The following LIMS1 variants were observed in gnomAD, a reference collection of about 807,000 sequenced individuals.
The protein encoded by LIMS1 is LIM zinc finger domain containing 1.
Under a neutral mutation model 44.1 loss-of-function variants are expected in LIMS1, and 18 were observed. The observed-to-expected ratio is 0.41, with a 90% CI of 0.28 to 0.61. LIMS1 has a LOEUF of 0.61. LIMS1 is among the 20% of genes least tolerant of loss of function. LIMS1 has a pLI of 0.32. For missense variants in LIMS1, 201 were observed against 422.0 expected (o/e 0.48, Z 4.59); for synonymous variants, 93 against 149.1 (o/e 0.62, Z 2.74).
At chr2:108,596,958 A>G (rs1237206382) in intron 1 of LIMS1, among the ~76,000 whole-genome samples, 4 of 104,430 alleles carry the variant, frequency 3.8e-5, no homozygotes, top group South Asian at 3.6e-4. Context: ...TCTGTTGCTG[A>G]GGTGCAGTGG....
In LIMS1 at chr2:108,667,551, A is replaced by AAT. The variant is rs1553469852; in HGVS notation, c.193-3212_193-3211dup. ...TTCAACCTTTTTTAAAAAAAAAAAAAATATATATATATATATATACTGCTG... is the reference window on the plus strand; with the variant it reads ...TTCAACCTTTTTTAAAAAAAAAAAAAATATATATATATATATATATACTGCTG... On this transcript the variant is annotated intron_variant, in intron 2 of 9. Transcript: ENST00000544547. Among the ~76,000 whole-genome samples the AAT allele has an allele frequency of 7.0e-3, 916 of 130,456 alleles. 8 individuals are homozygous for AAT. The highest frequency in any genetic ancestry group is 0.023 in the African/African-American group (795 of 35,000). 85.6% of individuals were successfully genotyped at this position (130,456 alleles called of 152,430 possible).
At chr2:108,558,693 T>C (rs1231965672) in intron 1 of LIMS1, among the ~76,000 whole-genome samples, 5 of 147,946 alleles carry the variant, frequency 3.4e-5, no homozygotes, top group Non-Finnish European at 6.0e-5. Context: ...TTTTTTGAGA[T>C]GGAGTCTTAC....
exon 10 of LIMS1, chr2:108,686,624 AC>A (rs1293661447): frequency 2.0e-5 from 3 of 151,472 alleles, no homozygotes; most frequent in Admixed American, 6.6e-5. Flanking sequence ...ACAAAAAAAA[AC>A]ATTAGCCAGG....
chr2:108,534,607 C>CCG lies in LIMS1; in HGVS notation c.32+18_32+19dup. On this transcript the variant is annotated intron_variant, in intron 1 of 9. Coordinates refer to ENST00000544547, the Ensembl canonical transcript of LIMS1. ...GGATGACCCACAGGTACGGGCCGCACCGCGCGGCCCCCGCCACGTCCGCCC... is the reference window on the plus strand; with the variant it reads ...GGATGACCCACAGGTACGGGCCGCACCGCGCGCGGCCCCCGCCACGTCCGCCC... 1 of 1,128,950 alleles carries CCG rather than the reference C, an allele frequency of 8.9e-7. No homozygotes were observed. Among genetic ancestry groups the CCG allele is most frequent in the Non-Finnish European group, 1.1e-6 (1 of 917,216 alleles). 69.9% of individuals were successfully genotyped at this position (1,128,950 alleles called of 1,614,324 possible). A position where few individuals can be genotyped will look rare whatever the true frequency, so the allele number is the denominator to read the frequency against.
In LIMS1 at chr2:108,677,842, A is replaced by G. The variant is rs1692676202; in HGVS notation, c.775-137A>G. ...GAATTACTTTCATTGTAAGAAGTAA[A>G]AACTTGTCAAAGAACTTTTACTAAA... On this transcript the variant is annotated intron_variant, in intron 7 of 9. Coordinates refer to ENST00000544547, the Ensembl canonical transcript of LIMS1. The G allele has an allele frequency of 2.9e-6, 4 of 1,395,452 alleles. No homozygotes were observed. In the East Asian group the frequency reaches 9.4e-5, roughly 33 times the overall value. The allele number at this position is 1,395,452 out of a possible 1,614,324, so 86.4% of individuals were successfully genotyped here.
Position 108,660,857 on chromosome 2 carries a change from C to A in LIMS1, c.192+1093C>A, listed in dbSNP as rs1376450909. Among the ~76,000 whole-genome samples, 3 of 151,348 alleles carry A rather than the reference C, an allele frequency of 2.0e-5. No homozygotes were observed. The East Asian group carries it at 5.8e-4, about 29-fold the overall frequency. ...CAAATAGGTAATTTACTTTTACCAC[C>A]TTACTTCTTACATATTTGTACGTAA... On this transcript the variant is annotated intron_variant, in intron 2 of 9. Coordinates refer to ENST00000544547, the Ensembl canonical transcript of LIMS1.
intron 1 of LIMS1, among the ~76,000 whole-genome samples, chr2:108,576,256 A>G (rs894161227): frequency 1.3e-5 from 2 of 152,146 alleles, no homozygotes; most frequent in Admixed American, 1.3e-4. Flanking sequence ...TTATGGGTCA[A>G]CTAAGCAAGT....
chr2:108,642,979 A>G (rs981863116), intron 1 of LIMS1, among the ~76,000 whole-genome samples: 1 of 152,216 alleles, frequency 6.6e-6, no homozygotes. Context: ...CCAGGGTCCT[A>G]GATTTGCCGC....
intron 8 of LIMS1, among the ~76,000 whole-genome samples, 178 bp from the exon 9 acceptor site, chr2:108,680,517 A>G (rs1484034185): frequency 1.4e-5 from 2 of 145,024 alleles, no homozygotes; most frequent in Non-Finnish European, 3.0e-5. Context: ...AGCCTGGGCT[A>G]TAGAGCAAGA....
At chr2:108,614,255 C>T (rs1042242219) in intron 1 of LIMS1, among the ~76,000 whole-genome samples, 2 of 152,228 alleles carry the variant, frequency 1.3e-5, no homozygotes, top group African/African-American at 2.4e-5. Context: ...CATGCTCGGG[C>T]GCCTCCTCCA....
chr2:108,674,606 A>G (rs573988534), intron 5 of LIMS1, among the ~76,000 whole-genome samples: 1 of 148,176 alleles, frequency 6.7e-6, no homozygotes, highest in African/African-American at 2.5e-5. Flanking sequence ...CTGTAGTCCC[A>G]GCTACTCGGG....
At chr2:108,578,444 A>G (rs1030789277) in intron 1 of LIMS1, among the ~76,000 whole-genome samples, 1 of 152,190 alleles carries the variant, frequency 6.6e-6, no homozygotes, top group African/African-American at 2.4e-5. Context: ...CCACCATATG[A>G]AATAAGGAAT....
At chr2:108,591,472 G>T (rs1420904611) in intron 1 of LIMS1, among the ~76,000 whole-genome samples, 1 of 152,040 alleles carries the variant, frequency 6.6e-6, no homozygotes, top group African/African-American at 2.4e-5. Context: ...AAAAAAAATT[G>T]ATTGATTGAC....
chr2:108,579,585 C>G (rs561976447), intron 1 of LIMS1, among the ~76,000 whole-genome samples: 5 of 152,216 alleles, frequency 3.3e-5, no homozygotes, highest in Non-Finnish European at 7.3e-5. Flanking sequence ...TGCCTAGAGT[C>G]TCTTGATTCC....
At position 108,667,538 on chromosome 2, in the gene LIMS1, T is replaced by TAAA. The variant is rs546617468; in HGVS notation, c.193-3231_193-3229dup. Among the ~76,000 whole-genome samples the TAAA allele has an allele frequency of 6.2e-5, 8 of 128,538 alleles. No homozygotes were observed. In the South Asian group the frequency reaches 7.5e-4, roughly 12 times the overall value. The allele number at this position is 128,538 out of a possible 152,430, so 84.3% of individuals were successfully genotyped here. Reference sequence around the variant, plus strand: ...CAGTGATTATATTTTCAACCTTTTTTAAAAAAAAAAAAAATATATATATAT... The same window carrying TAAA: ...CAGTGATTATATTTTCAACCTTTTTTAAAAAAAAAAAAAAAAATATATATATAT... On this transcript the variant is annotated intron_variant, in intron 2 of 9. Transcript: ENST00000544547.
chr2:108,568,319 C>T (rs1453472578), intron 1 of LIMS1, among the ~76,000 whole-genome samples: 1 of 152,188 alleles, frequency 6.6e-6, no homozygotes, highest in East Asian at 1.9e-4. Flanking sequence ...TTCTATTTCA[C>T]TTCACATAAT....
intron 1 of LIMS1, among the ~76,000 whole-genome samples, chr2:108,549,132 C>T (rs551951261): frequency 3.4e-4 from 52 of 151,838 alleles, no homozygotes; most frequent in Middle Eastern, 6.8e-3. Context: ...AATAATGATG[C>T]GCAGTATATT....
intron 1 of LIMS1, among the ~76,000 whole-genome samples, chr2:108,617,209 T>A (rs772590856): frequency 1.8e-4 from 27 of 152,352 alleles, no homozygotes; most frequent in Non-Finnish European, 3.1e-4. Context: ...AATGATCATA[T>A]TTACAGCTTG....
At chr2:108,629,877 G>A (rs1688797352) in intron 1 of LIMS1, among the ~76,000 whole-genome samples, 1 of 152,138 alleles carries the variant, frequency 6.6e-6, no homozygotes, top group Non-Finnish European at 1.5e-5. Flanking sequence ...GAGGCGTCTT[G>A]GTTTAGGAGA....
Sources: gnomAD v4.1 joint callset for allele counts (sites outside exome capture counted in the v4.1 genomes callset) on GRCh38, gnomAD v4.1.1 for gene constraint, MANE v1.5 for transcripts, NCBI Gene and HGNC (gene_info 2026-07-23, HGNC 2026-07-21) for gene names.